Variants in CSTF3 observed in about 807,000 individuals in gnomAD.
CSTF3 encodes the protein cleavage stimulation factor subunit 3, also known as CF-1 77 kDa subunit.
In CSTF3, 29 loss-of-function variants were observed where a neutral mutation model predicts 105.8. The observed-to-expected ratio is 0.27, with a 90% CI of 0.20 to 0.37. The LOEUF is 0.37. CSTF3 is among the 10% of genes least tolerant of loss of function. The pLI, the probability that CSTF3 is intolerant of heterozygous loss-of-function variation, is 1.00. For missense variants in CSTF3, 357 were observed against 879.3 expected (o/e 0.41, Z 7.51); for synonymous variants, 252 against 281.9 (o/e 0.89, Z 1.06).
At chr11:33,140,296 A>C (rs187961992) in intron 3 of CSTF3, among the ~76,000 whole-genome samples, 51 of 152,112 alleles carry the variant, frequency 3.4e-4, no homozygotes, top group African/African-American at 1.2e-3. Flanking sequence ...TGATTTAAAT[A>C]TATTAAGGAA....
At chr11:33,119,233 A>T (rs1855463283) in intron 3 of CSTF3, among the ~76,000 whole-genome samples, 2 of 151,814 alleles carry the variant, frequency 1.3e-5, no homozygotes, top group Non-Finnish European at 3.0e-5. Flanking sequence ...CCTCTACTTG[A>T]GATATTCTAG....
At chr11:33,089,176 A>G (rs1234973165) in intron 17 of CSTF3, among the ~76,000 whole-genome samples, 4 of 151,940 alleles carry the variant, frequency 2.6e-5, no homozygotes, top group African/African-American at 7.2e-5. Context: ...GTGAAACCCC[A>G]TCTCCACAAA....
At chr11:33,152,989 C>T (rs1402616198) in intron 1 of CSTF3, among the ~76,000 whole-genome samples, 1 of 151,304 alleles carries the variant, frequency 6.6e-6, no homozygotes, top group Non-Finnish European at 1.5e-5. Context: ...ATTGAGGAGC[C>T]CAGAGGGATT....
At chr11:33,150,646 C>G (rs1397094905) in intron 1 of CSTF3, among the ~76,000 whole-genome samples, 1 of 152,114 alleles carries the variant, frequency 6.6e-6, no homozygotes, top group Non-Finnish European at 1.5e-5. Flanking sequence ...CACTTGAGCT[C>G]AGGAGTTGGA....
intron 3 of CSTF3, among the ~76,000 whole-genome samples, chr11:33,119,526 T>C (rs1378641050): frequency 6.6e-6 from 1 of 151,762 alleles, no homozygotes; most frequent in Non-Finnish European, 1.5e-5. Context: ...ACAAATTCAA[T>C]GGATTGCTTT....
rs1160462897 is a variant in CSTF3, at chr11:33,085,026, A to G, written c.*61T>C. On this transcript the variant is annotated 3_prime_UTR_variant, in exon 21 of 21. Transcript: ENST00000323959. ...TGTAACAAAGCGTTGTCTCTTTTAA[A>G]CATACCACTTGAGGCAAAAGGAATC... is the stretch of plus-strand genomic sequence containing the variant. 6.4e-7 allele frequency: 1 copy of G among 1,557,006 alleles called. No homozygotes were observed. The highest frequency in any genetic ancestry group is 8.9e-7 in the Non-Finnish European group (1 of 1,128,836).
chr11:33,156,860 C>T (rs891180000), intron 1 of CSTF3: 1 of 338,004 alleles, frequency 3.0e-6, no homozygotes, highest in Non-Finnish European at 5.8e-6. Flanking sequence ...CATTCATTTA[C>T]TGAATACCTT....
chr11:33,145,641 A>C (rs948100780), intron 1 of CSTF3, among the ~76,000 whole-genome samples: 3 of 151,898 alleles, frequency 2.0e-5, no homozygotes, highest in African/African-American at 4.8e-5. Flanking sequence ...GTGAAACCCC[A>C]TCTCCACTAA....
At chr11:33,148,892 C>G (rs1445470068) in intron 1 of CSTF3, among the ~76,000 whole-genome samples, 2 of 144,996 alleles carry the variant, frequency 1.4e-5, no homozygotes, top group Non-Finnish European at 3.0e-5. Context: ...GAGACAGGCT[C>G]TCTCTACATT....
Position 33,146,623 on chromosome 11 carries a change from TA to T in CSTF3, c.28-4638del, listed in dbSNP as rs5790915. On this transcript the variant is annotated intron_variant, in intron 1 of 20. Coordinates refer to ENST00000323959, the MANE Select transcript of CSTF3 (RefSeq NM_001326.3). ...ATAAATTATGGAATTTGTAGTCACT[TA>T]AAAAAAAAAAAAGGCATGGCAGGTA... Among the ~76,000 whole-genome samples, 232 of 144,074 alleles carry T rather than the reference TA, an allele frequency of 1.6e-3. 2 individuals are homozygous for T. The highest frequency in any genetic ancestry group is 9.4e-3 in the East Asian group (47 of 4,998). The allele number at this position is 144,074 out of a possible 152,430, so 94.5% of individuals were successfully genotyped here.
intron 1 of CSTF3, among the ~76,000 whole-genome samples, chr11:33,152,890 G>A (rs1297724539): frequency 3.3e-5 from 5 of 151,894 alleles, no homozygotes; most frequent in Non-Finnish European, 7.4e-5. Flanking sequence ...CCCGGGAGGT[G>A]GAGGTTGCAG....
intron 3 of CSTF3, among the ~76,000 whole-genome samples, chr11:33,131,268 G>T (rs929526815): frequency 6.6e-6 from 1 of 152,072 alleles, no homozygotes; most frequent in Non-Finnish European, 1.5e-5. Context: ...CTTCTAAAAA[G>T]GTTTGCTTAA....
intron 3 of CSTF3, among the ~76,000 whole-genome samples, chr11:33,116,622 G>A (rs1416688745): frequency 6.6e-6 from 1 of 152,144 alleles, no homozygotes; most frequent in East Asian, 1.9e-4. Context: ...ATTACAGAGG[G>A]CATAAAAAGG....
intron 17 of CSTF3, 98 bp from the exon 18 acceptor site, chr11:33,087,239 A>T (rs1380711579): frequency 4.9e-6 from 6 of 1,219,664 alleles, no homozygotes; most frequent in African/African-American, 1.5e-5. Flanking sequence ...TATCTGGGTC[A>T]AAACCACAGA....
At chr11:33,098,905 A>G in intron 12 of CSTF3, 129 bp downstream of exon 12, 3 of 1,384,194 alleles carry the variant, frequency 2.2e-6, no homozygotes, top group South Asian at 1.5e-5. Context: ...CTGACAACTA[A>G]TAACTGTTCA....
chr11:33,134,432 ACGATAGCCAAAAC>A (rs1855632243), intron 3 of CSTF3: 2 of 152,318 alleles, frequency 1.3e-5, no homozygotes, highest in African/African-American at 4.8e-5. Context: ...CTCTTCATAC[ACGATAGCCAAAAC>A]CAAAGGAAAT....
intron 3 of CSTF3, among the ~76,000 whole-genome samples, chr11:33,140,590 A>G (rs1262977620): frequency 6.6e-6 from 1 of 152,084 alleles, no homozygotes; most frequent in Non-Finnish European, 1.5e-5. Flanking sequence ...TTCTGAGGAC[A>G]TATCACAGAT....
chr11:33,155,386 T>A (rs200941933), intron 1 of CSTF3, among the ~76,000 whole-genome samples: 6 of 144,440 alleles, frequency 4.2e-5, no homozygotes, highest in African/African-American at 5.1e-5. Context: ...ATAAAAAAAT[T>A]AAAAAAAAAA....
intron 3 of CSTF3, among the ~76,000 whole-genome samples, chr11:33,124,917 CTT>C (rs1159445837): frequency 6.6e-6 from 1 of 152,102 alleles, no homozygotes; most frequent in Non-Finnish European, 1.5e-5. Flanking sequence ...GGTCATTTAT[CTT>C]TTTGTTTCCA....
Sources: allele counts gnomAD v4.1 joint callset (sites outside exome capture counted in the v4.1 genomes callset), GRCh38; gene constraint gnomAD v4.1.1; transcripts MANE v1.5; gene names NCBI Gene and HGNC (gene_info 2026-07-23, HGNC 2026-07-21).